ADK: variants seen among roughly 807,000 people sequenced by gnomAD.
ADK encodes adenosine kinase.
In ADK, 24 loss-of-function variants were observed where a neutral mutation model predicts 44.7. That is an observed-to-expected ratio of 0.54 (90% CI 0.39 to 0.76). ADK has a LOEUF of 0.76. ADK is among the 30% of genes least tolerant of loss of function. The pLI is 0.00. For missense variants in ADK, 321 were observed against 425.1 expected (o/e 0.76, Z 2.15); for synonymous variants, 128 against 142.6 (o/e 0.90, Z 0.73).
At chr10:74,524,971 C>A (rs1450537850) in intron 6 of ADK, among the ~76,000 whole-genome samples, 4 of 152,082 alleles carry the variant, frequency 2.6e-5, no homozygotes, top group Non-Finnish European at 5.9e-5. Flanking sequence ...TGAATGAGAC[C>A]TTTCAAACAT....
At chr10:74,328,487 T>A (rs979180709) in intron 4 of ADK, among the ~76,000 whole-genome samples, 5 of 152,134 alleles carry the variant, frequency 3.3e-5, no homozygotes, top group African/African-American at 4.8e-5. Context: ...TGATATGGTT[T>A]GGCTCTGTGT....
chr10:74,386,277 C>T (rs1408710199), intron 4 of ADK, among the ~76,000 whole-genome samples: 1 of 152,094 alleles, frequency 6.6e-6, no homozygotes, highest in East Asian at 1.9e-4. Context: ...AATTTCATAT[C>T]TTTGGCTTAT....
intron 1 of ADK, among the ~76,000 whole-genome samples, chr10:74,192,021 A>G (rs1591830678): frequency 6.6e-6 from 1 of 152,176 alleles, no homozygotes; most frequent in Non-Finnish European, 1.5e-5. Context: ...ATATAAATGG[A>G]ATCATATAGT....
At chr10:74,328,279 G>C (rs555319833) in intron 4 of ADK, among the ~76,000 whole-genome samples, 2 of 152,232 alleles carry the variant, frequency 1.3e-5, no homozygotes, top group African/African-American at 4.8e-5. Flanking sequence ...AATTGTTGTA[G>C]TTATAATTAT....
chr10:74,679,011 G>A (rs967005859), intron 10 of ADK, among the ~76,000 whole-genome samples: 5 of 152,170 alleles, frequency 3.3e-5, no homozygotes, highest in Non-Finnish European at 7.4e-5. Flanking sequence ...CAAATCTGTG[G>A]GTTGACAGCT....
At chr10:74,629,426 A>G (rs1354019744) in intron 9 of ADK, among the ~76,000 whole-genome samples, 1 of 152,236 alleles carries the variant, frequency 6.6e-6, no homozygotes, top group Non-Finnish European at 1.5e-5. Flanking sequence ...TGAGCAGAGC[A>G]AAATGAGGAG....
chr10:74,655,955 C>T (rs1186234061), intron 9 of ADK: 2 of 699,512 alleles, frequency 2.9e-6, no homozygotes, highest in East Asian at 5.5e-5. Flanking sequence ...GGGTGCAACT[C>T]CTCCTGGGCA....
At chr10:74,393,422 A>G (rs903298992) in intron 4 of ADK, among the ~76,000 whole-genome samples, 8 of 152,214 alleles carry the variant, frequency 5.3e-5, no homozygotes, top group African/African-American at 1.9e-4. Flanking sequence ...TAATTACTTC[A>G]ATGAAAAAAT....
chr10:74,274,573 A>G (rs1251758851), intron 3 of ADK, among the ~76,000 whole-genome samples: 1 of 151,610 alleles, frequency 6.6e-6, no homozygotes, highest in Non-Finnish European at 1.5e-5. Flanking sequence ...TTAAAAAAAA[A>G]GTCATAAGAG....
At chr10:74,700,906 A>C (rs979876306) in intron 10 of ADK, among the ~76,000 whole-genome samples, 1 of 152,224 alleles carries the variant, frequency 6.6e-6, no homozygotes, top group East Asian at 1.9e-4. Context: ...ACTGAAAAAC[A>C]TGAACCCAAC....
At chr10:74,549,991 C>T (rs948295636) in intron 7 of ADK, among the ~76,000 whole-genome samples, 2 of 151,814 alleles carry the variant, frequency 1.3e-5, no homozygotes, top group South Asian at 2.1e-4. Flanking sequence ...AATATTAGGT[C>T]GGGGATAGAT....
At chr10:74,552,013 GTATTAT>G (rs777674768) in intron 7 of ADK, among the ~76,000 whole-genome samples, 10 of 151,728 alleles carry the variant, frequency 6.6e-5, no homozygotes, top group South Asian at 6.3e-4. Flanking sequence ...ATGGTTTTTT[GTATTAT>G]TATTATTATT....
intron 7 of ADK, among the ~76,000 whole-genome samples, chr10:74,553,244 A>G (rs981703836): frequency 8.7e-6 from 1 of 115,454 alleles, no homozygotes; most frequent in African/African-American, 3.5e-5. Flanking sequence ...CTCTGTCACC[A>G]GGCTGGAGTG....
intron 1 of ADK, among the ~76,000 whole-genome samples, chr10:74,169,325 CT>C (rs1842106331): frequency 6.6e-6 from 1 of 152,126 alleles, no homozygotes; most frequent in African/African-American, 2.4e-5. Flanking sequence ...ATTAAAATCC[CT>C]TTTCTGTTGT....
intron 3 of ADK, 81 bp downstream of exon 3, chr10:74,224,672 T>C (rs1844461921): frequency 8.8e-7 from 1 of 1,141,966 alleles, no homozygotes; most frequent in African/African-American, 1.5e-5. Flanking sequence ...TATCTGATTT[T>C]CAAAATTATA....
Position 74,352,706 on chromosome 10 carries a change from G to A in ADK, c.273+37961G>A, listed in dbSNP as rs551491863. ...AAAGGTCTAATATCCAGAATCTACA[G>A]GAACTTAAACAAATTTGCAAGAAAA... is the stretch of plus-strand genomic sequence containing the variant. On this transcript the variant is annotated intron_variant, in intron 4 of 10. Coordinates refer to ENST00000539909, the MANE Select transcript of ADK (RefSeq NM_006721.4). Among the ~76,000 whole-genome samples the A allele has an allele frequency of 5.3e-5, 8 of 152,198 alleles. No individual in the cohort carries two copies. The South Asian group carries it at 1.7e-3, about 32-fold the overall frequency.
At chr10:74,184,755 T>C (rs1842686361) in intron 1 of ADK, among the ~76,000 whole-genome samples, 1 of 152,226 alleles carries the variant, frequency 6.6e-6, no homozygotes, top group South Asian at 2.1e-4. Context: ...CCCATTTGGA[T>C]AATAAATTAT....
intron 7 of ADK, among the ~76,000 whole-genome samples, chr10:74,584,045 G>A (rs1333519495): frequency 2.0e-5 from 3 of 152,170 alleles, no homozygotes; most frequent in Non-Finnish European, 4.4e-5. Flanking sequence ...CATCACTTTT[G>A]TCATATATTT....
At chr10:74,333,840 T>C (rs1055762413) in intron 4 of ADK, among the ~76,000 whole-genome samples, 2 of 152,164 alleles carry the variant, frequency 1.3e-5, no homozygotes, top group Admixed American at 6.5e-5. Flanking sequence ...AGTTGGCAAC[T>C]GAAAGTAGAC....
Sources: gnomAD v4.1 joint callset for allele counts (sites outside exome capture counted in the v4.1 genomes callset) on GRCh38, gnomAD v4.1.1 for gene constraint, MANE v1.5 for transcripts, NCBI Gene and HGNC (gene_info 2026-07-23, HGNC 2026-07-21) for gene names.